The following KHDRBS3 variants were observed in gnomAD, a reference collection of about 807,000 sequenced individuals.
KHDRBS3 encodes the protein KH RNA binding domain containing, signal transduction associated 3.
KHDRBS3 carries 23 observed loss-of-function variants against 45.6 expected under a neutral mutation model. The observed-to-expected ratio is 0.50, with a 90% CI of 0.36 to 0.72. KHDRBS3 has a LOEUF of 0.72. Ranked by LOEUF, KHDRBS3 falls within the 30% of genes least tolerant of loss-of-function variation. The pLI, the probability that KHDRBS3 is intolerant of heterozygous loss-of-function variation, is 0.00. For missense variants in KHDRBS3, 352 were observed against 424.8 expected, an observed-to-expected ratio of 0.83 and a Z score of 1.51; for synonymous variants, 162 against 156.5, an observed-to-expected ratio of 1.04 and a Z score of -0.26.
chr8:135,541,178 A>T (rs1249974646), intron 2 of KHDRBS3: 2 of 152,210 alleles, frequency 1.3e-5, no homozygotes, highest in Non-Finnish European at 2.9e-5. Context: ...AGAGACACAA[A>T]CAATAAAAGA....
At chr8:135,652,075 G>C (rs1253474736), downstream of KHDRBS3, among the ~76,000 whole-genome samples, 1 of 152,088 alleles carries the variant, frequency 6.6e-6, no homozygotes, top group Non-Finnish European at 1.5e-5. Context: ...AAGGAATAAA[G>C]TTTATTTTCT....
intron 1 of KHDRBS3, among the ~76,000 whole-genome samples, chr8:135,511,865 G>A (rs1283393584): frequency 1.3e-5 from 2 of 152,096 alleles, no homozygotes; most frequent in Non-Finnish European, 2.9e-5. Flanking sequence ...GCCCTGCTCT[G>A]TGTTTATAAA....
downstream of KHDRBS3, among the ~76,000 whole-genome samples, chr8:135,651,162 C>A (rs967075596): frequency 6.6e-6 from 1 of 152,082 alleles, no homozygotes; most frequent in Non-Finnish European, 1.5e-5. Context: ...CCACACAGGG[C>A]AGGTACTCTC....
chr8:135,468,060 T>A (rs1376895928), intron 1 of KHDRBS3, among the ~76,000 whole-genome samples: 1 of 152,210 alleles, frequency 6.6e-6, no homozygotes, highest in African/African-American at 2.4e-5. Context: ...TCTTTGTTAT[T>A]CAGTCGTATC....
chr8:135,490,906 T>C (rs1210621695), intron 1 of KHDRBS3, among the ~76,000 whole-genome samples: 1 of 152,222 alleles, frequency 6.6e-6, no homozygotes, highest in Admixed American at 6.5e-5. Context: ...ATTTAAAAAT[T>C]GGTAATACAT....
intron 6 of KHDRBS3, among the ~76,000 whole-genome samples, chr8:135,586,600 G>C (rs1168347097): frequency 6.6e-6 from 1 of 152,098 alleles, no homozygotes; most frequent in Non-Finnish European, 1.5e-5. Flanking sequence ...ACATTTATTG[G>C]CAAAAATAAG....
At chr8:135,643,956 G>C (rs1249268691) in intron 7 of KHDRBS3, among the ~76,000 whole-genome samples, 2 of 152,152 alleles carry the variant, frequency 1.3e-5, no homozygotes, top group Non-Finnish European at 2.9e-5. Flanking sequence ...ATCTGAGCTG[G>C]ATCATTTTCC....
intron 3 of KHDRBS3, among the ~76,000 whole-genome samples, chr8:135,544,558 T>C (rs962693711): frequency 1.3e-5 from 2 of 152,120 alleles, no homozygotes; most frequent in Non-Finnish European, 2.9e-5. Context: ...AAGTAATGCA[T>C]GACTTCCCTC....
chr8:135,537,264 GTCAGTAAGATA>G, intron 2 of KHDRBS3, among the ~76,000 whole-genome samples: 1 of 152,144 alleles, frequency 6.6e-6, no homozygotes, highest in East Asian at 1.9e-4. Context: ...TGTGTTAGAG[GTCAGTAAGATA>G]TCCCTTTATT....
At chr8:135,582,810 A>G (rs1481720625) in intron 6 of KHDRBS3, among the ~76,000 whole-genome samples, 2 of 152,194 alleles carry the variant, frequency 1.3e-5, no homozygotes, top group African/African-American at 4.8e-5. Flanking sequence ...GTAGGTTTTC[A>G]TTGTTTTACT....
chr8:135,529,455 G>A (rs1825358262), intron 2 of KHDRBS3, among the ~76,000 whole-genome samples: 1 of 152,046 alleles, frequency 6.6e-6, no homozygotes, highest in Non-Finnish European at 1.5e-5. Context: ...GAGGCAGAAA[G>A]CAACACTTGA....
At chr8:135,500,233 A>G (rs992186771) in intron 1 of KHDRBS3, among the ~76,000 whole-genome samples, 1 of 152,116 alleles carries the variant, frequency 6.6e-6, no homozygotes, top group African/African-American at 2.4e-5. Context: ...GTGAGGTGTC[A>G]TAAGCCAGGA....
At chr8:135,512,354 C>T (rs935476326) in intron 1 of KHDRBS3, among the ~76,000 whole-genome samples, 1 of 135,384 alleles carries the variant, frequency 7.4e-6, no homozygotes, top group African/African-American at 2.9e-5. Context: ...ATGAGCTTCT[C>T]ATTTTATTAT....
chr8:135,461,481 G>T (rs79212119), intron 1 of KHDRBS3, among the ~76,000 whole-genome samples: 6,820 of 152,206 alleles, frequency 0.045, 221 homozygotes, highest in African/African-American at 0.093. Context: ...ATAGGCTTTG[G>T]GATCCCACTC....
chr8:135,600,104 G>A (rs1239500679), intron 6 of KHDRBS3, among the ~76,000 whole-genome samples: 2 of 152,140 alleles, frequency 1.3e-5, no homozygotes, highest in African/African-American at 2.4e-5. Context: ...ACCTCCCTGG[G>A]TGAGTTGCTG....
At chr8:135,550,778 A>T (rs182136074) in intron 4 of KHDRBS3, among the ~76,000 whole-genome samples, 14 of 152,258 alleles carry the variant, frequency 9.2e-5, no homozygotes, top group African/African-American at 3.4e-4. Flanking sequence ...CTAGGATTTG[A>T]TAGATATTAT....
At chr8:135,626,912 A>AT (rs897425721) in intron 7 of KHDRBS3, among the ~76,000 whole-genome samples, 24 of 151,726 alleles carry the variant, frequency 1.6e-4, no homozygotes, top group African/African-American at 5.6e-4. Flanking sequence ...AAAATTAATA[A>AT]TTTTTTTTCA....
intron 8 of KHDRBS3, among the ~76,000 whole-genome samples, chr8:135,646,685 CT>C (rs2131207770): frequency 6.6e-6 from 1 of 152,274 alleles, no homozygotes; most frequent in South Asian, 2.1e-4. Flanking sequence ...CTCTTTGCTA[CT>C]TGAGCTTGTA....
intron 7 of KHDRBS3, among the ~76,000 whole-genome samples, chr8:135,623,199 A>T (rs1269030381): frequency 6.6e-6 from 1 of 152,250 alleles, no homozygotes; most frequent in African/African-American, 2.4e-5. Flanking sequence ...ATCCTTTGCC[A>T]GAAAAAAATA....
Sources: allele counts gnomAD v4.1 joint callset (sites outside exome capture counted in the v4.1 genomes callset), GRCh38; gene constraint gnomAD v4.1.1; transcripts MANE v1.5; gene names NCBI Gene and HGNC (gene_info 2026-07-23, HGNC 2026-07-21).